The following GATM variants were observed in gnomAD, a reference collection of about 807,000 sequenced individuals.
GATM encodes glycine amidinotransferase.
In GATM, 23 loss-of-function variants were observed where a neutral mutation model predicts 54.2. The ratio of observed to expected loss-of-function variants is 0.42; its 90% CI spans 0.31 to 0.60. GATM has a LOEUF of 0.60. Ranked by LOEUF, GATM falls within the 20% of genes least tolerant of loss-of-function variation. GATM has a pLI of 0.14. For missense variants in GATM, 401 were observed against 544.9 expected, an observed-to-expected ratio of 0.74 and a Z score of 2.63; for synonymous variants, 168 against 183.1, an observed-to-expected ratio of 0.92 and a Z score of 0.67.
chr15:45,386,392 C>T (rs1889803868), intron 3 of GATM, among the ~76,000 whole-genome samples: 2 of 152,176 alleles, frequency 1.3e-5, no homozygotes, highest in South Asian at 2.1e-4. Context: ...ACCCTAATCG[C>T]TATTATTTTT....
Position 45,378,371 on chromosome 15 carries a change from G to A in GATM, c.69+14C>T, listed in dbSNP as rs1295786673. 4 of 1,515,038 alleles carry A rather than the reference G, an allele frequency of 2.6e-6. No individual in the cohort carries two copies. Among genetic ancestry groups the A allele is most frequent in the East Asian group, 5.2e-5 (2 of 38,794 alleles). The allele number at this position is 1,515,038 out of a possible 1,614,324, so 93.8% of individuals were successfully genotyped here. On this transcript the variant is annotated intron_variant, in intron 1 of 8. Transcript: ENST00000396659. ...AGTCACGCGGCCGCCAGACGAGGCC[G>A]GTGGCGCACGCACCCGAGATCCGAT...
intron 2 of GATM, chr15:45,399,432 G>A (rs1889972553): frequency 6.6e-6 from 1 of 152,178 alleles, no homozygotes; most frequent in African/African-American, 2.4e-5. Context: ...GGTCACGAGA[G>A]TGGAGCCCTC....
chr15:45,380,991 T>C (rs1023975702), upstream of GATM, among the ~76,000 whole-genome samples: 2 of 152,202 alleles, frequency 1.3e-5, no homozygotes, highest in African/African-American at 4.8e-5. Flanking sequence ...AAAAATTTGG[T>C]AACAATTTCT....
At chr15:45,400,020 G>A (rs965722115) in intron 1 of GATM, among the ~76,000 whole-genome samples, 6 of 152,140 alleles carry the variant, frequency 3.9e-5, no homozygotes, top group Admixed American at 6.5e-5. Context: ...CCTGGAGTTC[G>A]AGACCAGCCT....
In GATM at chr15:45,368,154, C is replaced by T. The variant is rs1167013064; in HGVS notation, c.591G>A (p.Arg197=). ...RSRFFEYRAY[R]SIIKDYFHRG... is the part of the protein sequence containing the mutation. ...GGTGGAAGTAGTCTTTGATAATTGA[C>T]CTGTACGCTCGGTACTCAAAGAAGC... The change falls in exon 4 of 9, where the codon AGG becomes AGA. Residue 197 remains arginine (R), a synonymous_variant. Transcript: ENST00000396659. This position sits in a 1 kb window ranked among gnomAD's most constrained non-coding sequence, Gnocchi z 5.1. 4 of 1,613,942 alleles carry T rather than the reference C, an allele frequency of 2.5e-6. No individual in the cohort carries two copies. The highest frequency in any genetic ancestry group is 2.2e-5 in the East Asian group (1 of 44,894).
At chr15:45,378,606 GC>G, upstream of GATM, 1 of 535,398 alleles carries the variant, frequency 1.9e-6, no homozygotes, top group Admixed American at 4.1e-5. Context: ...GCCCCCCGCG[GC>G]CCCATTGGCT....
At chr15:45,395,615 A>G (rs189311228) in intron 3 of GATM, among the ~76,000 whole-genome samples, 85 of 152,350 alleles carry the variant, frequency 5.6e-4, no homozygotes, top group African/African-American at 2.0e-3. Context: ...GCATAAATGT[A>G]TGGACAGTGC....
intron 1 of GATM, chr15:45,377,735 A>G: frequency 6.2e-6 from 1 of 162,444 alleles, no homozygotes; most frequent in Non-Finnish European, 1.3e-5. Flanking sequence ...GAGCGATTCC[A>G]GTACTAGAAG....
At chr15:45,362,264 G>T in intron 8 of GATM, 43 bp from the exon 9 acceptor site, 1 of 1,204,160 alleles carries the variant, frequency 8.3e-7, no homozygotes, top group South Asian at 1.2e-5. Context: ...GGACTAACAT[G>T]ACGATTCTCA....
exon 1 of GATM, chr15:45,402,179 A>G (rs534428364): frequency 3.8e-6 from 2 of 527,398 alleles, no homozygotes; most frequent in African/African-American, 4.0e-5. Flanking sequence ...CCTGTAACGA[A>G]GACCATCTCG....
intron 2 of GATM, among the ~76,000 whole-genome samples, chr15:45,372,623 T>C (rs1043270212): frequency 6.6e-6 from 1 of 152,226 alleles, no homozygotes; most frequent in African/African-American, 2.4e-5. Flanking sequence ...TTTGAAAATT[T>C]AACACTGGGT....
chr15:45,369,108 C>T (rs572501786), intron 3 of GATM, among the ~76,000 whole-genome samples: 3 of 152,302 alleles, frequency 2.0e-5, no homozygotes, highest in East Asian at 1.9e-4. Flanking sequence ...GAAAACTTGT[C>T]ATTTCAAGGA....
intron 2 of GATM, among the ~76,000 whole-genome samples, chr15:45,374,723 C>T (rs1038542175): frequency 1.4e-4 from 21 of 152,174 alleles, no homozygotes; most frequent in Middle Eastern, 6.3e-3. Flanking sequence ...ACTTGGTCTT[C>T]GTTTCTATGT....
intron 6 of GATM, 61 bp from the exon 7 acceptor site, chr15:45,364,921 GT>G: frequency 7.8e-7 from 1 of 1,285,588 alleles, no homozygotes; most frequent in Non-Finnish European, 1.1e-6. Flanking sequence ...ATTATTATTA[GT>G]CTCTAATAGC....
intron 1 of GATM, chr15:45,378,111 A>T: frequency 2.5e-6 from 1 of 404,364 alleles, no homozygotes. Flanking sequence ...GTGGGCCAGC[A>T]GGCCGCGGAC....
At chr15:45,396,278 A>T (rs1464585058) in intron 3 of GATM, 2 of 152,214 alleles carry the variant, frequency 1.3e-5, no homozygotes, top group African/African-American at 4.8e-5. Context: ...TACTGGGTCA[A>T]TGCTTAGACA....
chr15:45,376,788 C>T lies in GATM; in HGVS notation c.101G>A (p.Arg34Gln), dbSNP rs1889644849. 1.9e-6 allele frequency: 3 copies of T among 1,613,926 alleles called. No individual in the cohort carries two copies. Among genetic ancestry groups the T allele is most frequent in the Admixed American group, 1.7e-5 (1 of 59,984 alleles). ...AGCTGCCTGGGTGCTCTGGAAAGTTCGCTGCACCCATCCTGTCAAGGTTCG... is the reference window on the plus strand; with the variant it reads ...AGCTGCCTGGGTGCTCTGGAAAGTTTGCTGCACCCATCCTGTCAAGGTTCG... ...LGRTLTGWVQ[R>Q]TFQSTQAATA... Residue 34 changes from arginine (R) to glutamine (Q), a missense_variant, in exon 2 of 9, where the codon CGA becomes CAA. Around this residue, in one of 3 missense-constraint regions of GATM, gnomAD observed 70 missense variants for 61.5 expected, o/e 1.14. Coordinates refer to ENST00000396659, the MANE Select transcript of GATM (RefSeq NM_001482.3).
intron 3 of GATM, among the ~76,000 whole-genome samples, chr15:45,389,942 C>T (rs905514194): frequency 6.6e-6 from 1 of 152,028 alleles, no homozygotes; most frequent in African/African-American, 2.4e-5. Context: ...TCACTGCAAC[C>T]TCCACCTCCC....
Position 45,366,058 on chromosome 15 carries a change from T to C in GATM, c.966A>G (p.Arg322=). Reference sequence around the variant, plus strand: ...AGAAATCTCTTACCTGGTGACATGGTCGGTCAGGGTTGGAAAGCACAATAC... The same window carrying C: ...AGAAATCTCTTACCTGGTGACATGGCCGGTCAGGGTTGGAAAGCACAATAC... ...GPGIVLSNPD[R]PCHQIDLFKK... is the part of the protein sequence containing the mutation. Residue 322 remains arginine (R), a synonymous_variant, in exon 6 of 9, where the codon CGA becomes CGG. Coordinates refer to ENST00000396659, the MANE Select transcript of GATM (RefSeq NM_001482.3). 30 of 1,614,126 alleles carry C rather than the reference T, an allele frequency of 1.9e-5. No homozygotes were observed. Among genetic ancestry groups the C allele is most frequent in the Non-Finnish European group, 2.4e-5 (28 of 1,180,006 alleles).
Sources: allele counts gnomAD v4.1 joint callset (sites outside exome capture counted in the v4.1 genomes callset), GRCh38; gene constraint gnomAD v4.1.1; regional missense constraint gnomAD v4.1.1; non-coding constraint Gnocchi (gnomAD v3.1); transcripts MANE v1.5; gene names NCBI Gene and HGNC (gene_info 2026-07-23, HGNC 2026-07-21).